The following ABLIM1 variants were observed in gnomAD, a reference collection of about 807,000 sequenced individuals.
ABLIM1 encodes actin-binding LIM protein 1.
Under a neutral mutation model 107.0 loss-of-function variants are expected in ABLIM1, and 40 were observed. That is an observed-to-expected ratio of 0.37 (90% CI 0.29 to 0.49). ABLIM1 has a LOEUF of 0.49. Among genes scored for constraint, ABLIM1 ranks in the 20% least tolerant of loss-of-function variants. The pLI is 0.97. For synonymous variants in ABLIM1, 357 were observed against 357.3 expected (o/e 1.00, Z 0.01); for missense variants, 857 against 1,008.5 (o/e 0.85, Z 2.04).
In ABLIM1 at chr10:114,675,339, T is replaced by C. The variant is rs149896267; in HGVS notation, c.64+8951A>G. ...CTGGAGGGACCCAGTGGGAGGTAACTGAATCATGGGGGTGGGTCTTTTCCA... is the reference window on the plus strand; with the variant it reads ...CTGGAGGGACCCAGTGGGAGGTAACCGAATCATGGGGGTGGGTCTTTTCCA... On this transcript the variant is annotated intron_variant, in intron 1 of 23. Coordinates refer to the ABLIM1 transcript ENST00000369256. 7.3e-3 allele frequency among the ~76,000 whole-genome samples: 1,117 copies of C among 152,314 alleles called. 17 individuals carry two copies. The highest frequency in any genetic ancestry group is 0.026 in the African/African-American group (1,065 of 41,580).
At chr10:114,476,918 G>A (rs1239280337) in intron 8 of ABLIM1, among the ~76,000 whole-genome samples, 4 of 152,126 alleles carry the variant, frequency 2.6e-5, no homozygotes, top group Admixed American at 6.5e-5. Flanking sequence ...CGATGGCAAC[G>A]AATGTCTACT....
the ABLIM1 span, among the ~76,000 whole-genome samples, chr10:114,784,690 G>GAAAAA: frequency 9.3e-5 from 11 of 118,174 alleles, no homozygotes; most frequent in Non-Finnish European, 1.0e-4. Context: ...AAAAGAAAAA[G>GAAAAA]AAAAAAAAAA....
chr10:114,473,206 C>T, intron 9 of ABLIM1, 74 bp from the exon 10 acceptor site: 1 of 1,455,000 alleles, frequency 6.9e-7, no homozygotes, highest in Non-Finnish European at 9.2e-7. Flanking sequence ...GGCGCATTTC[C>T]TGTTGTTTAA....
intron 1 of ABLIM1, among the ~76,000 whole-genome samples, chr10:114,721,366 A>G (rs1357835851): frequency 1.3e-5 from 2 of 152,158 alleles, no homozygotes; most frequent in Non-Finnish European, 2.9e-5. Flanking sequence ...CCCATTGAGC[A>G]TGTATGTCTA....
chr10:114,758,753 A>C (rs975719776), intron 1 of ABLIM1, among the ~76,000 whole-genome samples: 4 of 152,228 alleles, frequency 2.6e-5, no homozygotes, highest in African/African-American at 9.6e-5. Context: ...GAAAAGTATC[A>C]GTAAAGACCC....
intron 1 of ABLIM1, among the ~76,000 whole-genome samples, chr10:114,739,868 A>G (rs2142268498): frequency 6.6e-6 from 1 of 152,294 alleles, no homozygotes; most frequent in East Asian, 1.9e-4. Context: ...AACGGATTAA[A>G]GGAAGCTCAA....
intron 2 of ABLIM1, among the ~76,000 whole-genome samples, chr10:114,598,274 CAAA>C (rs58133284): frequency 1.6e-5 from 1 of 63,812 alleles, no homozygotes; most frequent in Non-Finnish European, 2.7e-5. Flanking sequence ...AACTCCATCT[CAAA>C]AAAAAAAAAA....
chr10:114,696,013 CCT>C (rs1323508030), intron 1 of ABLIM1, among the ~76,000 whole-genome samples: 3 of 152,176 alleles, frequency 2.0e-5, no homozygotes, highest in Non-Finnish European at 4.4e-5. Flanking sequence ...CTACAGCCTC[CCT>C]GATTTCCTCA....
At chr10:114,472,551 T>C (rs897112404) in intron 10 of ABLIM1, among the ~76,000 whole-genome samples, 1 of 152,206 alleles carries the variant, frequency 6.6e-6, no homozygotes, top group Non-Finnish European at 1.5e-5. Flanking sequence ...TTCTTTCACA[T>C]GCTAACTTTC....
At chr10:114,636,764 G>C (rs979452039) in intron 1 of ABLIM1, among the ~76,000 whole-genome samples, 3 of 152,130 alleles carry the variant, frequency 2.0e-5, no homozygotes, top group Non-Finnish European at 4.4e-5. Context: ...TCGGCGCAGT[G>C]GTGCATACCT....
intron 4 of ABLIM1, among the ~76,000 whole-genome samples, chr10:114,554,961 G>C (rs978391241): frequency 6.6e-6 from 1 of 152,098 alleles, no homozygotes; most frequent in Non-Finnish European, 1.5e-5. Context: ...AAAATGAGTA[G>C]GTTAGCAATA....
At chr10:114,567,917 G>A (rs1273910393) in intron 4 of ABLIM1, among the ~76,000 whole-genome samples, 4 of 152,218 alleles carry the variant, frequency 2.6e-5, no homozygotes, top group South Asian at 4.2e-4. Context: ...TCGGCCGGGC[G>A]CGGTGGCTCA....
At chr10:114,787,377 G>A in the ABLIM1 span, among the ~76,000 whole-genome samples, 9 of 151,066 alleles carry the variant, frequency 6.0e-5, no homozygotes, top group East Asian at 4.0e-4. Flanking sequence ...GTCTCCACCC[G>A]GCAGCCACCC....
At chr10:114,751,169 T>C (rs1355977881) in intron 1 of ABLIM1, among the ~76,000 whole-genome samples, 3 of 152,072 alleles carry the variant, frequency 2.0e-5, no homozygotes, top group African/African-American at 4.8e-5. Flanking sequence ...CCAAAAAACA[T>C]TGGGGAGTTG....
At chr10:114,563,131 C>T (rs922818744) in intron 4 of ABLIM1, among the ~76,000 whole-genome samples, 2 of 152,198 alleles carry the variant, frequency 1.3e-5, no homozygotes, top group Non-Finnish European at 2.9e-5. Context: ...TTATGTAAAA[C>T]CGTGTACATG....
chr10:114,685,505 T>C (rs2080910670), upstream of ABLIM1, among the ~76,000 whole-genome samples: 1 of 152,188 alleles, frequency 6.6e-6, no homozygotes, highest in Non-Finnish European at 1.5e-5. Flanking sequence ...AGTGGCTTTT[T>C]TATTTTGTTT....
At position 114,436,068 on chromosome 10, in the gene ABLIM1, T is replaced by C. The variant is rs1210707898; in HGVS notation, c.*192A>G. 5.2e-6 allele frequency: 3 copies of C among 575,288 alleles called. No individual in the cohort carries two copies. The highest frequency in any genetic ancestry group is 5.6e-5 in the East Asian group (2 of 35,402). 35.6% of individuals were successfully genotyped at this position (575,288 alleles called of 1,614,324 possible). ...TCGGAACATAGAAATTTCTACGCCA[T>C]GCTTCTTGGCAAGTGTTACTGTTGG... On this transcript the variant is annotated 3_prime_UTR_variant, in exon 23 of 23. Coordinates refer to ENST00000533213, the MANE Select transcript of ABLIM1 (RefSeq NM_002313.7).
At chr10:114,793,652 G>C in the ABLIM1 span, among the ~76,000 whole-genome samples, 1 of 152,148 alleles carries the variant, frequency 6.6e-6, no homozygotes, top group African/African-American at 2.4e-5. Context: ...GCTACTCCCA[G>C]CTAATGACTT....
At chr10:114,566,259 G>A (rs1173442325) in intron 4 of ABLIM1, among the ~76,000 whole-genome samples, 4 of 152,088 alleles carry the variant, frequency 2.6e-5, no homozygotes, top group East Asian at 1.9e-4. Flanking sequence ...AAACCCACAC[G>A]CCATCAGACA....
Sources: allele counts gnomAD v4.1 joint callset (sites outside exome capture counted in the v4.1 genomes callset), GRCh38; gene constraint gnomAD v4.1.1; transcripts MANE v1.5; gene names NCBI Gene and HGNC (gene_info 2026-07-23, HGNC 2026-07-21).